Variants in PKDCC observed in about 807,000 individuals in gnomAD.
PKDCC encodes the protein extracellular tyrosine-protein kinase PKDCC.
Under a neutral mutation model 44.7 loss-of-function variants are expected in PKDCC, and 35 were observed. The observed-to-expected ratio is 0.78, with a 90% CI of 0.60 to 1.04. The LOEUF (loss-of-function observed/expected upper bound fraction) is 1.04. Among genes scored for constraint, PKDCC ranks in the 50% least tolerant of loss-of-function variants. The probability of loss-of-function intolerance (pLI) is 0.00; values close to 1 mark genes in which losing one functional copy is unlikely to be tolerated. For missense variants in PKDCC, 738 were observed against 672.7 expected (o/e 1.10, Z -1.07); for synonymous variants, 353 against 303.3 (o/e 1.16, Z -1.70).
Position 42,048,368 on chromosome 2 carries a change from G to T in PKDCC, c.169G>T (p.Ala57Ser). The stretch of plus-strand genomic sequence containing the variant: ...CCGTCGCGGGGGCCGCGGGGAGCTG[G>T]CCCGGCAGATCCGGGCGCGCTACGA... ...PGRRGGRGEL[A>S]RQIRARYEEV... is the part of the protein sequence containing the mutation. Residue 57 changes from alanine to serine, a missense_variant, in exon 1 of 7, where the codon GCC becomes TCC. Ala to Ser is a moderately conservative substitution (Grantham distance 99). Coordinates refer to ENST00000294964, the MANE Select transcript of PKDCC (RefSeq NM_138370.3). This position sits in a 1 kb window ranked among gnomAD's most constrained non-coding sequence, Gnocchi z 6.2. 8.6e-7 allele frequency: 1 copy of T among 1,162,332 alleles called. No individual in the cohort carries two copies. The highest frequency in any genetic ancestry group is 1.1e-6 in the Non-Finnish European group (1 of 944,364). 72.0% of individuals were successfully genotyped at this position (1,162,332 alleles called of 1,614,324 possible). A position where few individuals can be genotyped will look rare whatever the true frequency, so the allele number is the denominator to read the frequency against.
chr2:42,057,481 G>C, intron 6 of PKDCC, 87 bp downstream of exon 6: 1 of 1,579,394 alleles, frequency 6.3e-7, no homozygotes, highest in Non-Finnish European at 8.7e-7. Context: ...GGAAGTCAGA[G>C]GGGGTGCTGA....
At position 42,051,693 on chromosome 2, in the gene PKDCC, T is replaced by A. The variant is rs1217834621; in HGVS notation, c.640-1546T>A. 6.6e-6 allele frequency among the ~76,000 whole-genome samples: 1 copy of A among 152,002 alleles called. No homozygotes were observed. The highest frequency in any genetic ancestry group is 2.4e-5 in the African/African-American group (1 of 41,386). ...ACCAGGGTCTGGGGCTTCCCTGGAC[T>A]GATGGGGAGGGGGTGGAGAGAGAAG... On this transcript the variant is annotated intron_variant, in intron 1 of 6. Transcript: ENST00000294964. The surrounding 1 kb of genome is among the most constrained non-coding windows in gnomAD (Gnocchi z 4.2).
rs574984480 is a variant in PKDCC at position 42,055,757 on chromosome 2, G to C, written c.1222+364G>C. 1.0e-5 allele frequency: 2 copies of C among 196,094 alleles called. No homozygotes were observed. 12.1% of individuals were successfully genotyped at this position (196,094 alleles called of 1,614,324 possible). ...TTACCCACCTCACCAAATTCTTATG[G>C]GAATTAAATGTCAGGTGAAATGTGT... On this transcript the variant is annotated intron_variant, in intron 5 of 6. Coordinates refer to ENST00000294964, the MANE Select transcript of PKDCC (RefSeq NM_138370.3). This position sits in a 1 kb window ranked among gnomAD's most constrained non-coding sequence, Gnocchi z 4.5.
chr2:42,057,671 G>C lies in PKDCC; in HGVS notation c.1465G>C (p.Val489Leu), dbSNP rs747673825. The C allele has an allele frequency of 6.2e-7, 1 of 1,613,926 alleles. No homozygotes were observed. The highest frequency in any genetic ancestry group is 8.5e-7 in the Non-Finnish European group (1 of 1,179,982). ...CCCTGATCCCAACAAGACCACATAT[G>C]TGAAGGCCTCTGGCTGACCTATCTG... ...VVPDPNKTTY[V>L]KASG The change falls in exon 7 of 7, where the codon GTG becomes CTG. Residue 489 changes from valine (V) to leucine (L), a missense_variant. Physicochemically the swap from Val to Leu is conservative, Grantham distance 32. Coordinates refer to ENST00000294964, the MANE Select transcript of PKDCC (RefSeq NM_138370.3).
At chr2:42,049,807 C>G (rs760495966) in intron 1 of PKDCC, among the ~76,000 whole-genome samples, 4 of 152,192 alleles carry the variant, frequency 2.6e-5, no homozygotes, top group Non-Finnish European at 5.9e-5. Context: ...ACAGACTATT[C>G]CCTTTGCACA....
rs984666896 is a variant in PKDCC at position 42,057,900 on chromosome 2, T to TC, written c.*214dup. The TC allele has an allele frequency of 3.5e-6, 2 of 574,166 alleles. No homozygotes were observed. The highest frequency in any genetic ancestry group is 3.7e-5 in the African/African-American group (2 of 53,356). 35.6% of individuals were successfully genotyped at this position (574,166 alleles called of 1,614,324 possible). On this transcript the variant is annotated 3_prime_UTR_variant, in exon 7 of 7. Transcript: ENST00000294964. Reference sequence around the variant, plus strand: ...CCAGCCTAGCTATGGGACTGCTGGCTCCTAGTCCAGGAATCATGGGGGTAT... The same window carrying TC: ...CCAGCCTAGCTATGGGACTGCTGGCTCCCTAGTCCAGGAATCATGGGGGTAT...
Position 42,053,988 on chromosome 2 carries a change from C to T in PKDCC, c.763-48C>T, listed in dbSNP as rs371089113. Reference sequence around the variant, plus strand: ...AGGGTGCCCTCGAGTCCCACAGACCCCCAACCCAGGAGAAAAGCAGTGAGC... The same window carrying T: ...AGGGTGCCCTCGAGTCCCACAGACCTCCAACCCAGGAGAAAAGCAGTGAGC... On this transcript the variant is annotated intron_variant, in intron 2 of 6. Coordinates refer to ENST00000294964, the MANE Select transcript of PKDCC (RefSeq NM_138370.3). 7 of 1,582,254 alleles carry T rather than the reference C, an allele frequency of 4.4e-6. No homozygotes were observed. In the East Asian group the frequency reaches 1.6e-4, roughly 36 times the overall value.
intron 1 of PKDCC, 51 bp from the exon 2 acceptor site, chr2:42,053,188 T>TGGG: frequency 1.6e-6 from 2 of 1,287,314 alleles, no homozygotes; most frequent in Non-Finnish European, 1.1e-6. Flanking sequence ...AGCCCTTCCC[T>TGGG]GTCCCCACCC....
chr2:42,051,374 TTGGATGGG>T lies in PKDCC; in HGVS notation c.640-1864_640-1857del, dbSNP rs1667964975. 1.2e-5 allele frequency among the ~76,000 whole-genome samples: 1 copy of T among 83,294 alleles called. No homozygotes were observed. The highest frequency in any genetic ancestry group is 2.6e-5 in the Non-Finnish European group (1 of 39,092). 54.6% of individuals were successfully genotyped at this position (83,294 alleles called of 152,430 possible). A position where few individuals can be genotyped will look rare whatever the true frequency, so the allele number is the denominator to read the frequency against. The stretch of plus-strand genomic sequence containing the variant: ...CCAGTCATCCTGGGGCCCCCAGGCC[TTGGATGGG>T]CCCCCAGGCCTGCCTGGGCCCAGAT... On this transcript the variant is annotated intron_variant, in intron 1 of 6. Transcript: ENST00000294964. This position sits in a 1 kb window ranked among gnomAD's most constrained non-coding sequence, Gnocchi z 4.2.
In PKDCC at chr2:42,048,919, T is replaced by G; in HGVS notation, c.639+81T>G. On this transcript the variant is annotated intron_variant, in intron 1 of 6. Coordinates refer to ENST00000294964, the MANE Select transcript of PKDCC (RefSeq NM_138370.3). The surrounding 1 kb of genome is among the most constrained non-coding windows in gnomAD (Gnocchi z 6.2). ...GTCAACCTGGCTGGAAGAGAACCCC[T>G]TGATCTGGAGTGCCAGTGACTGCAC... 1 of 1,350,572 alleles carries G rather than the reference T, an allele frequency of 7.4e-7. No individual in the cohort carries two copies. The highest frequency in any genetic ancestry group is 9.6e-7 in the Non-Finnish European group (1 of 1,046,898). The allele number at this position is 1,350,572 out of a possible 1,614,324, so 83.7% of individuals were successfully genotyped here.
At chr2:42,050,727 G>T (rs1324165813) in intron 1 of PKDCC, among the ~76,000 whole-genome samples, 1 of 152,130 alleles carries the variant, frequency 6.6e-6, no homozygotes, top group Non-Finnish European at 1.5e-5. Flanking sequence ...AGGGCACAAG[G>T]GTTGCTAAGG....
In PKDCC at chr2:42,055,584, G is replaced by C. The variant is rs1362636809; in HGVS notation, c.1222+191G>C. The C allele has an allele frequency of 6.8e-6, 4 of 585,020 alleles. No individual in the cohort carries two copies. Among genetic ancestry groups the C allele is most frequent in the Non-Finnish European group, 6.1e-6 (2 of 328,404 alleles). The allele number at this position is 585,020 out of a possible 1,614,324, so 36.2% of individuals were successfully genotyped here. ...TGAGGTTCCATCTCTAGCTGAGCTAGAGCAACTATAATTCTGCCTTCAACC... is the reference window on the plus strand; with the variant it reads ...TGAGGTTCCATCTCTAGCTGAGCTACAGCAACTATAATTCTGCCTTCAACC... On this transcript the variant is annotated intron_variant, in intron 5 of 6. Transcript: ENST00000294964. The surrounding 1 kb of genome is among the most constrained non-coding windows in gnomAD (Gnocchi z 4.5).
chr2:42,050,894 T>A (rs1667956672), intron 1 of PKDCC, among the ~76,000 whole-genome samples: 1 of 152,168 alleles, frequency 6.6e-6, no homozygotes, highest in African/African-American at 2.4e-5. Flanking sequence ...CCATCTTTGC[T>A]GGCAGGGAAG....
chr2:42,057,795 C>T lies in PKDCC; in HGVS notation c.*107C>T. 1.1e-6 allele frequency: 1 copy of T among 902,134 alleles called. No individual in the cohort carries two copies. Among genetic ancestry groups the T allele is most frequent in the East Asian group, 2.6e-5 (1 of 38,160 alleles). 55.9% of individuals were successfully genotyped at this position (902,134 alleles called of 1,614,324 possible). ...ACTGCATGTCACCTGGGAACCCCTG[C>T]AGACAAAGCTAACATCCCAGACAGA... On this transcript the variant is annotated 3_prime_UTR_variant, in exon 7 of 7. Transcript: ENST00000294964.
Position 42,051,452 on chromosome 2 carries a change from A to T in PKDCC, c.640-1787A>T, listed in dbSNP as rs548311776. 1.3e-5 allele frequency among the ~76,000 whole-genome samples: 2 copies of T among 151,344 alleles called. No homozygotes were observed. Among genetic ancestry groups the T allele is most frequent in the East Asian group, 3.9e-4 (2 of 5,116 alleles). On this transcript the variant is annotated intron_variant, in intron 1 of 6. Transcript: ENST00000294964. This position sits in a 1 kb window ranked among gnomAD's most constrained non-coding sequence, Gnocchi z 4.2. ...ATTTCTTCTCCCAACCAAACAAAAG[A>T]TGTGACTGAAATGCTCAGCCTCACG... is the stretch of plus-strand genomic sequence containing the variant.
intron 1 of PKDCC, among the ~76,000 whole-genome samples, chr2:42,050,369 G>A (rs1667945241): frequency 6.6e-6 from 1 of 152,166 alleles, no homozygotes; most frequent in Admixed American, 6.5e-5. Flanking sequence ...GAGTGGAGAG[G>A]TCTTGAGTGA....
rs899792346 is a variant in PKDCC at position 42,058,307 on chromosome 2, T to A, written c.*619T>A. Reference sequence around the variant, plus strand: ...GCCAAGACTGGGGTCAGGGAGCAGGTGTGGTTTGAGCCAGGACCTGGGGCG... The same window carrying A: ...GCCAAGACTGGGGTCAGGGAGCAGGAGTGGTTTGAGCCAGGACCTGGGGCG... On this transcript the variant is annotated 3_prime_UTR_variant, in exon 7 of 7. Transcript: ENST00000294964. The surrounding 1 kb of genome is among the most constrained non-coding windows in gnomAD (Gnocchi z 4.2). The A allele has an allele frequency of 6.6e-6, 1 of 152,010 alleles. No individual in the cohort carries two copies. The highest frequency in any genetic ancestry group is 2.4e-5 in the African/African-American group (1 of 41,264). 9.4% of individuals were successfully genotyped at this position (152,010 alleles called of 1,614,324 possible).
At chr2:42,049,272 C>G (rs1667929095) in intron 1 of PKDCC, among the ~76,000 whole-genome samples, 1 of 152,124 alleles carries the variant, frequency 6.6e-6, no homozygotes, top group Non-Finnish European at 1.5e-5. Flanking sequence ...CTCCCAACTT[C>G]CAGTGATTTG....
chr2:42,055,626 T>C lies in PKDCC; in HGVS notation c.1222+233T>C. 1.9e-6 allele frequency: 1 copy of C among 531,780 alleles called. No homozygotes were observed. 32.9% of individuals were successfully genotyped at this position (531,780 alleles called of 1,614,324 possible). On this transcript the variant is annotated intron_variant, in intron 5 of 6. Coordinates refer to ENST00000294964, the MANE Select transcript of PKDCC (RefSeq NM_138370.3). The surrounding 1 kb of genome is among the most constrained non-coding windows in gnomAD (Gnocchi z 4.5). ...CCTTCAACCTGGGGTTGGGCACTGA[T>C]ACCCCTACTCTGGATGGCTCCAAAC...
Sources: gnomAD v4.1 joint callset for allele counts (sites outside exome capture counted in the v4.1 genomes callset) on GRCh38, gnomAD v4.1.1 for gene constraint, Gnocchi (gnomAD v3.1) non-coding constraint, MANE v1.5 for transcripts, NCBI Gene and HGNC (gene_info 2026-07-23, HGNC 2026-07-21) for gene names.